Variants in ALMS1 observed in about 807,000 individuals in gnomAD.
ALMS1 encodes centrosome-associated protein ALMS1.
A neutral mutation model predicts 352.2 loss-of-function variants in ALMS1; 271 were observed. That is an observed-to-expected ratio of 0.77 (90% CI 0.70 to 0.85). The LOEUF (loss-of-function observed/expected upper bound fraction) is 0.85, where lower values mean the gene tolerates loss of function less well. Among genes scored for constraint, ALMS1 ranks in the 40% least tolerant of loss-of-function variants. ALMS1 has a pLI of 0.00. For missense variants in ALMS1, 5,445 were observed against 4,870.7 expected, an observed-to-expected ratio of 1.12 and a Z score of -3.51; for synonymous variants, 1,865 against 1,761.2, an observed-to-expected ratio of 1.06 and a Z score of -1.48.
Position 73,445,268 on chromosome 2 carries a change from T to C in ALMS1, c.1433-2692T>C, listed in dbSNP as rs1671789354. On this transcript the variant is annotated intron_variant, in intron 7 of 22. Coordinates refer to ENST00000613296, the MANE Select transcript of ALMS1 (RefSeq NM_001378454.1). ...TTGTGAAAATTCCAGTTATACTCTT[T>C]TAATTTAAAATGCGTTATAAATAAT... is the stretch of plus-strand genomic sequence containing the variant. 4.6e-5 allele frequency among the ~76,000 whole-genome samples: 7 copies of C among 152,236 alleles called. No homozygotes were observed. In the South Asian group the frequency reaches 1.4e-3, roughly 32 times the overall value.
At chr2:73,482,637 A>C (rs545286702) in intron 9 of ALMS1, among the ~76,000 whole-genome samples, 107 of 152,244 alleles carry the variant, frequency 7.0e-4, no homozygotes, top group Non-Finnish European at 1.4e-3. Context: ...TGATTGGAAT[A>C]GTTTCAGAAG....
intron 12 of ALMS1, among the ~76,000 whole-genome samples, chr2:73,536,713 TC>T (rs1674036897): frequency 6.6e-6 from 1 of 152,156 alleles, no homozygotes; most frequent in Non-Finnish European, 1.5e-5. Context: ...AAATAACTGT[TC>T]TTCAGTTGAG....
At chr2:73,433,866 A>C (rs980845543) in intron 7 of ALMS1, among the ~76,000 whole-genome samples, 1 of 152,184 alleles carries the variant, frequency 6.6e-6, no homozygotes, top group African/African-American at 2.4e-5. Context: ...GAATTTGTCC[A>C]TTTAGCTAGG....
chr2:73,552,322 T>C (rs1674455456), intron 13 of ALMS1, among the ~76,000 whole-genome samples: 1 of 152,206 alleles, frequency 6.6e-6, no homozygotes, highest in African/African-American at 2.4e-5. Flanking sequence ...TAAAAAGAAA[T>C]AATTTTACAA....
chr2:73,439,722 G>A (rs1671678285), intron 7 of ALMS1, among the ~76,000 whole-genome samples: 2 of 151,794 alleles, frequency 1.3e-5, no homozygotes, highest in Non-Finnish European at 2.9e-5. Flanking sequence ...TGTATTTTTA[G>A]TGGAGACAGG....
At chr2:73,558,135 T>G (rs143417223) in intron 14 of ALMS1, among the ~76,000 whole-genome samples, 1 of 152,202 alleles carries the variant, frequency 6.6e-6, no homozygotes, top group Non-Finnish European at 1.5e-5. Context: ...CATGGTCACA[T>G]GTACCAGGGA....
chr2:73,558,758 G>A lies in ALMS1; in HGVS notation c.10214-214G>A, dbSNP rs147356858. 0.012 allele frequency among the ~76,000 whole-genome samples: 1,750 copies of A among 151,892 alleles called. 17 individuals carry two copies. The highest frequency in any genetic ancestry group is 0.017 in the Non-Finnish European group (1,164 of 67,912). ...ATTAGTTTTTCTTTCTTTGAATACC[G>A]CTACCTCTTTTTCTGACTGTTTCTT... On this transcript the variant is annotated intron_variant, in intron 14 of 22. Transcript: ENST00000613296.
chr2:73,387,583 G>A (rs1301232673), intron 1 of ALMS1, among the ~76,000 whole-genome samples: 1 of 152,174 alleles, frequency 6.6e-6, no homozygotes, highest in African/African-American at 2.4e-5. Context: ...CCAGGACCCA[G>A]AAGCCAACGT....
intron 7 of ALMS1, among the ~76,000 whole-genome samples, chr2:73,434,857 G>A (rs1671576571): frequency 6.6e-6 from 1 of 152,116 alleles, no homozygotes; most frequent in South Asian, 2.1e-4. Context: ...AGGCTGAAAT[G>A]CAGTGCGTGG....
rs747822875 is a variant in ALMS1 at position 73,601,094 on chromosome 2, AC to A, written c.11873-97del. 6.7e-4 allele frequency: 1,052 copies of A among 1,573,010 alleles called. 1 individual carries two copies. Among genetic ancestry groups the A allele is most frequent in the Non-Finnish European group, 6.9e-4 (789 of 1,151,426 alleles). On this transcript the variant is annotated intron_variant, in intron 18 of 22. Coordinates refer to ENST00000613296, the MANE Select transcript of ALMS1 (RefSeq NM_001378454.1). ...CACCCTGTGGCCTCTGACAGCTGAG[AC>A]CCCTGAGAACCTGTATTATATGCAT...
intron 16 of ALMS1, among the ~76,000 whole-genome samples, chr2:73,595,363 T>G (rs1387328204): frequency 6.6e-6 from 1 of 152,228 alleles, no homozygotes; most frequent in African/African-American, 2.4e-5. Context: ...TCATCTGCCT[T>G]CTGTCTCTTC....
At chr2:73,609,181 C>A (rs962199485) in intron 22 of ALMS1, among the ~76,000 whole-genome samples, 4 of 152,200 alleles carry the variant, frequency 2.6e-5, no homozygotes, top group Non-Finnish European at 5.9e-5. Flanking sequence ...CTGTCAGTCA[C>A]CAGACTGATG....
At chr2:73,565,985 G>A (rs1237928939) in intron 15 of ALMS1, among the ~76,000 whole-genome samples, 2 of 152,060 alleles carry the variant, frequency 1.3e-5, no homozygotes, top group Non-Finnish European at 2.9e-5. Flanking sequence ...ACAAAACAAG[G>A]CAACACAAAG....
At chr2:73,482,041 C>T (rs1187530296) in intron 9 of ALMS1, among the ~76,000 whole-genome samples, 1 of 152,164 alleles carries the variant, frequency 6.6e-6, no homozygotes. Context: ...AATTTGACTT[C>T]CTCTTTTCCT....
chr2:73,486,197 C>T (rs564898414), intron 9 of ALMS1, among the ~76,000 whole-genome samples: 3 of 152,084 alleles, frequency 2.0e-5, no homozygotes, highest in South Asian at 2.1e-4. Flanking sequence ...GTAAGGCTAG[C>T]AGATACAAGA....
intron 16 of ALMS1, among the ~76,000 whole-genome samples, chr2:73,596,189 C>T (rs1675542302): frequency 6.6e-6 from 1 of 152,160 alleles, no homozygotes. Context: ...GTTTGCCTAA[C>T]CAAAGTCATA....
rs537108488 is a variant in ALMS1 at position 73,508,266 on chromosome 2, G to A, written c.9540-11509G>A. ...TGCCCAGGCTGGAGTGCAGTGGCGC[G>A]ATCTCGGCTTACTGCAAGCTCTGCC... On this transcript the variant is annotated intron_variant, in intron 10 of 22. Transcript: ENST00000613296. 8.2e-3 allele frequency among the ~76,000 whole-genome samples: 1,168 copies of A among 141,806 alleles called. 5 individuals are homozygous for A. The highest frequency in any genetic ancestry group is 0.013 in the Non-Finnish European group (860 of 66,400). 93.0% of individuals were successfully genotyped at this position (141,806 alleles called of 152,430 possible).
At chr2:73,595,780 T>G (rs1675534635) in intron 16 of ALMS1, among the ~76,000 whole-genome samples, 1 of 152,234 alleles carries the variant, frequency 6.6e-6, no homozygotes, top group Admixed American at 6.5e-5. Flanking sequence ...GTTTCTCCAC[T>G]TCCTTGTCAA....
At chr2:73,484,243 T>C (rs1465253269) in intron 9 of ALMS1, among the ~76,000 whole-genome samples, 2,483 of 151,876 alleles carry the variant, frequency 0.016, 94 homozygotes, top group African/African-American at 0.057. Context: ...AGTGCTTCCT[T>C]CAGGAGCTCT....
Sources: allele counts gnomAD v4.1 joint callset (sites outside exome capture counted in the v4.1 genomes callset), GRCh38; gene constraint gnomAD v4.1.1; transcripts MANE v1.5; gene names NCBI Gene and HGNC (gene_info 2026-07-23, HGNC 2026-07-21).